ALG6: variants seen among roughly 807,000 people sequenced by gnomAD.
ALG6 encodes ALG6 alpha-1,3-glucosyltransferase, also known as dolichyl pyrophosphate Man9GlcNAc2 alpha-1,3-glucosyltransferase.
Under a neutral mutation model 66.6 loss-of-function variants are expected in ALG6, and 46 were observed. The ratio of observed to expected loss-of-function variants is 0.69; its 90% CI spans 0.55 to 0.88. The LOEUF (loss-of-function observed/expected upper bound fraction) is 0.88, where lower values mean the gene tolerates loss of function less well. Among genes scored for constraint, ALG6 ranks in the 40% least tolerant of loss-of-function variants. ALG6 has a pLI of 0.00. For missense variants in ALG6, 505 were observed against 586.8 expected, an observed-to-expected ratio of 0.86 and a Z score of 1.44; for synonymous variants, 185 against 203.7, an observed-to-expected ratio of 0.91 and a Z score of 0.78.
intron 3 of ALG6, 37 bp downstream of exon 3, chr1:63,396,634 A>C (rs774061632): frequency 9.2e-6 from 14 of 1,530,018 alleles, no homozygotes; most frequent in Non-Finnish European, 1.3e-5. Flanking sequence ...TGTTTATCAT[A>C]GTTAATACAG....
At chr1:63,395,786 T>G (rs1465095824) in intron 2 of ALG6, among the ~76,000 whole-genome samples, 3 of 152,148 alleles carry the variant, frequency 2.0e-5, no homozygotes, top group African/African-American at 7.2e-5. Flanking sequence ...GAAGTAAAAA[T>G]AAACCTGGAT....
In ALG6 at chr1:63,437,860, A is replaced by C. The variant is rs1644694850; in HGVS notation, c.*840A>C. The C allele has an allele frequency of 1.3e-5, 2 of 151,990 alleles. No homozygotes were observed. The highest frequency in any genetic ancestry group is 6.6e-5 in the Admixed American group (1 of 15,248). 9.4% of individuals were successfully genotyped at this position (151,990 alleles called of 1,614,324 possible). On this transcript the variant is annotated 3_prime_UTR_variant, in exon 15 of 15. Coordinates refer to ENST00000263440, the MANE Select transcript of ALG6 (RefSeq NM_013339.4). ...CATGGTTCAGGGTTACCACTGCCAGAGCATTGATTCATGTTAACTTCATCC... is the reference window on the plus strand; with the variant it reads ...CATGGTTCAGGGTTACCACTGCCAGCGCATTGATTCATGTTAACTTCATCC...
chr1:63,427,147 C>T (rs1461727242), intron 12 of ALG6, among the ~76,000 whole-genome samples: 3 of 151,400 alleles, frequency 2.0e-5, no homozygotes, highest in Non-Finnish European at 4.4e-5. Flanking sequence ...ATTACAGGCA[C>T]GCACCACCGT....
chr1:63,387,532 CTTTTTTTTTTTTTTTTTTT>C (rs760731397), intron 2 of ALG6, among the ~76,000 whole-genome samples: 1 of 59,476 alleles, frequency 1.7e-5, no homozygotes, highest in Non-Finnish European at 3.0e-5. Context: ...TTGTCTTTCT[CTTTTTTTTTTTTTTTTTTT>C]TTTTTTTTGA....
At chr1:63,384,550 A>G (rs1292934216) in intron 2 of ALG6, among the ~76,000 whole-genome samples, 2 of 152,196 alleles carry the variant, frequency 1.3e-5, no homozygotes, top group African/African-American at 4.8e-5. Context: ...GTATTACTCA[A>G]GAAATTTTTG....
intron 3 of ALG6, among the ~76,000 whole-genome samples, chr1:63,397,519 G>A (rs1648863999): frequency 6.6e-6 from 1 of 150,976 alleles, no homozygotes; most frequent in South Asian, 2.1e-4. Context: ...CATTTCCATA[G>A]CTTTCTCTTT....
At chr1:63,424,544 C>A (rs181111026) in intron 12 of ALG6, among the ~76,000 whole-genome samples, 1 of 152,066 alleles carries the variant, frequency 6.6e-6, no homozygotes, top group Admixed American at 6.6e-5. Flanking sequence ...AATATTTTCT[C>A]CCATTCTTTG....
intron 2 of ALG6, 190 bp downstream of exon 2, chr1:63,371,249 C>G: frequency 1.7e-6 from 1 of 575,180 alleles, no homozygotes; most frequent in South Asian, 2.0e-5. Flanking sequence ...TAGAAGCATG[C>G]GCTTTGTGAT....
chr1:63,377,848 T>G (rs2100385679), intron 2 of ALG6, among the ~76,000 whole-genome samples: 1 of 152,232 alleles, frequency 6.6e-6, no homozygotes, highest in Admixed American at 6.5e-5. Flanking sequence ...ATCCTCCTGC[T>G]CCAGCCTCCC....
chr1:63,397,785 T>C (rs1644412895), intron 3 of ALG6, among the ~76,000 whole-genome samples: 1 of 152,228 alleles, frequency 6.6e-6, no homozygotes, highest in African/African-American at 2.4e-5. Flanking sequence ...CCAGCTCTAC[T>C]ATTTATTAGC....
chr1:63,382,293 C>T (rs1451692918), intron 2 of ALG6, among the ~76,000 whole-genome samples: 1 of 151,608 alleles, frequency 6.6e-6, no homozygotes, highest in Non-Finnish European at 1.5e-5. Flanking sequence ...CCTCTGCCTC[C>T]CCGGTTCAAG....
chr1:63,401,255 A>C (rs1300004603), intron 3 of ALG6, among the ~76,000 whole-genome samples: 1 of 152,226 alleles, frequency 6.6e-6, no homozygotes, highest in Non-Finnish European at 1.5e-5. Context: ...CACTAAGAAT[A>C]GACCTTCCGA....
At position 63,387,532 on chromosome 1, in the gene ALG6, C is replaced by CTTTTTTTTTTTTTTTTTTTTTTT. The variant is rs760731397; in HGVS notation, c.83-8976_83-8954dup. Among the ~76,000 whole-genome samples, 25 of 59,494 alleles carry CTTTTTTTTTTTTTTTTTTTTTTT rather than the reference C, an allele frequency of 4.2e-4. 7 individuals are homozygous for CTTTTTTTTTTTTTTTTTTTTTTT. Among genetic ancestry groups the CTTTTTTTTTTTTTTTTTTTTTTT allele is most frequent in the Non-Finnish European group, 5.7e-4 (19 of 33,326 alleles). The allele number at this position is 59,494 out of a possible 152,430, so 39.0% of individuals were successfully genotyped here. On this transcript the variant is annotated intron_variant, in intron 2 of 14. Transcript: ENST00000263440. ...ATATAATGACCTTCTTTGTCTTTCT[C>CTTTTTTTTTTTTTTTTTTTTTTT]TTTTTTTTTTTTTTTTTTTTTTTTT...
chr1:63,422,406 T>G (rs1161679735), intron 12 of ALG6, among the ~76,000 whole-genome samples: 3 of 79,252 alleles, frequency 3.8e-5, no homozygotes, highest in African/African-American at 1.3e-4. Flanking sequence ...TATATCTATA[T>G]AAATATAAAT....
intron 3 of ALG6, among the ~76,000 whole-genome samples, chr1:63,398,684 C>A (rs1570054617): frequency 6.6e-6 from 1 of 152,002 alleles, no homozygotes; most frequent in Non-Finnish European, 1.5e-5. Context: ...ACCATGTTAG[C>A]CAGGATGGTC....
At chr1:63,396,390 A>G in intron 2 of ALG6, 123 bp from the exon 3 acceptor site, 1 of 803,078 alleles carries the variant, frequency 1.2e-6, no homozygotes, top group Non-Finnish European at 2.1e-6. Flanking sequence ...CTTTCTCGGT[A>G]ACTCCTGTGT....
At chr1:63,414,008 T>C (rs1644529384) in intron 9 of ALG6, 53 bp from the exon 10 acceptor site, 2 of 1,397,210 alleles carry the variant, frequency 1.4e-6, no homozygotes, top group Middle Eastern at 1.8e-4. Flanking sequence ...TTCATGGGTT[T>C]TAATATTTCT....
rs1434133641 is a variant in ALG6 at position 63,396,467 on chromosome 1, A to G, written c.83-46A>G. The G allele has an allele frequency of 2.0e-6, 3 of 1,482,928 alleles. No individual in the cohort carries two copies. In the Admixed American group the frequency reaches 5.0e-5, roughly 25 times the overall value. The allele number at this position is 1,482,928 out of a possible 1,614,324, so 91.9% of individuals were successfully genotyped here. On this transcript the variant is annotated intron_variant, in intron 2 of 14. Coordinates refer to ENST00000263440, the MANE Select transcript of ALG6 (RefSeq NM_013339.4). The stretch of plus-strand genomic sequence containing the variant: ...TCATAAGGAAATAAAAATCACTGAT[A>G]TGCTAAAGTACATTGTTGTTTTGCT...
At chr1:63,399,322 G>A (rs1644431952) in intron 3 of ALG6, among the ~76,000 whole-genome samples, 1 of 152,210 alleles carries the variant, frequency 6.6e-6, no homozygotes, top group Non-Finnish European at 1.5e-5. Flanking sequence ...AAGCACAAGA[G>A]TGATATCCTA....
Sources: gnomAD v4.1 joint callset for allele counts (sites outside exome capture counted in the v4.1 genomes callset) on GRCh38, gnomAD v4.1.1 for gene constraint, MANE v1.5 for transcripts, NCBI Gene and HGNC (gene_info 2026-07-23, HGNC 2026-07-21) for gene names.